The following DENND1A variants were observed in gnomAD, a reference collection of about 807,000 sequenced individuals.
DENND1A encodes DENN domain-containing protein 1A.
In DENND1A, 51 loss-of-function variants were observed where a neutral mutation model predicts 113.7. That is an observed-to-expected ratio of 0.45 (90% CI 0.36 to 0.57). DENND1A has a LOEUF of 0.57. Among genes scored for constraint, DENND1A ranks in the 20% least tolerant of loss-of-function variants. DENND1A has a pLI of 0.00. For synonymous variants in DENND1A, 565 were observed against 570.8 expected (o/e 0.99, Z 0.14); for missense variants, 1,258 against 1,395.9 (o/e 0.90, Z 1.57).
chr9:123,543,705 T>G (rs2056452197), intron 13 of DENND1A, among the ~76,000 whole-genome samples: 1 of 152,168 alleles, frequency 6.6e-6, no homozygotes, highest in South Asian at 2.1e-4. Context: ...CTCCTATTCC[T>G]CCGGTAAGGC....
Position 123,457,579 on chromosome 9 carries a change from G to A in DENND1A, c.1099-144C>T, listed in dbSNP as rs1352737212. 6 of 784,968 alleles carry A rather than the reference G, an allele frequency of 7.6e-6. No homozygotes were observed. In the East Asian group the frequency reaches 1.3e-4, roughly 17 times the overall value. 48.6% of individuals were successfully genotyped at this position (784,968 alleles called of 1,614,324 possible). A position where few individuals can be genotyped will look rare whatever the true frequency, so the allele number is the denominator to read the frequency against. ...CAAGTTTCTTTCTAAAATACCGGCT[G>A]CATATTTATGATAACTTGGAAAACC... On this transcript the variant is annotated intron_variant, in intron 14 of 23. Coordinates refer to ENST00000394215, the MANE Select transcript of DENND1A (RefSeq NM_001352964.2).
intron 11 of DENND1A, among the ~76,000 whole-genome samples, chr9:123,595,952 G>A (rs2137198958): frequency 6.6e-6 from 1 of 152,252 alleles, no homozygotes; most frequent in Admixed American, 6.5e-5. Context: ...CTCTGACTCT[G>A]CTGGTGTTTT....
chr9:123,906,208 G>A (rs1415971119), intron 1 of DENND1A, among the ~76,000 whole-genome samples: 2 of 146,518 alleles, frequency 1.4e-5, no homozygotes, highest in African/African-American at 5.1e-5. Flanking sequence ...ATTCAAAGCA[G>A]TGTGTAGAGG....
intron 13 of DENND1A, among the ~76,000 whole-genome samples, chr9:123,461,313 T>C (rs1301170673): frequency 1.3e-5 from 2 of 152,288 alleles, no homozygotes; most frequent in Admixed American, 6.5e-5. Flanking sequence ...GCTGAACTCA[T>C]CTCTGTACGC....
intron 7 of DENND1A, among the ~76,000 whole-genome samples, chr9:123,667,532 G>A (rs1030825960): frequency 1.3e-5 from 2 of 152,186 alleles, no homozygotes; most frequent in East Asian, 3.9e-4. Context: ...CAGGAGAATC[G>A]TTTGAACCCG....
intron 10 of DENND1A, among the ~76,000 whole-genome samples, chr9:123,623,655 T>C (rs1037562689): frequency 6.6e-6 from 1 of 152,250 alleles, no homozygotes; most frequent in Non-Finnish European, 1.5e-5. Context: ...TAATTAAAGT[T>C]AACTCAGATG....
At chr9:123,661,185 G>A (rs1488598342) in intron 8 of DENND1A, among the ~76,000 whole-genome samples, 1 of 152,104 alleles carries the variant, frequency 6.6e-6, no homozygotes, top group Non-Finnish European at 1.5e-5. Flanking sequence ...TAGGAGACGG[G>A]GTGCAAATAA....
intron 6 of DENND1A, among the ~76,000 whole-genome samples, chr9:123,675,554 T>A (rs2064026788): frequency 6.6e-6 from 1 of 152,192 alleles, no homozygotes. Flanking sequence ...AAATTTTTCC[T>A]TAACGTTTAA....
chr9:123,751,020 A>G (rs539782952), intron 5 of DENND1A, among the ~76,000 whole-genome samples: 13 of 152,140 alleles, frequency 8.5e-5, no homozygotes, highest in Non-Finnish European at 1.8e-4. Context: ...ATTTTAAACT[A>G]AAGCAGCTAA....
intron 19 of DENND1A, among the ~76,000 whole-genome samples, chr9:123,423,656 T>C (rs1291511450): frequency 1.3e-5 from 2 of 152,220 alleles, no homozygotes; most frequent in Non-Finnish European, 2.9e-5. Context: ...GCTTTGGTTA[T>C]GGCTGCACAC....
At chr9:123,702,621 A>G (rs1053317826) in intron 5 of DENND1A, among the ~76,000 whole-genome samples, 4 of 152,230 alleles carry the variant, frequency 2.6e-5, no homozygotes, top group African/African-American at 9.6e-5. Flanking sequence ...ACTTCTGAGA[A>G]TAAACATTAT....
At chr9:123,400,242 T>G (rs1253030058) in intron 21 of DENND1A, 1 of 152,260 alleles carries the variant, frequency 6.6e-6, no homozygotes, top group Non-Finnish European at 1.5e-5. Flanking sequence ...CTATCATTGA[T>G]TCAGAAAGAA....
intron 2 of DENND1A, among the ~76,000 whole-genome samples, chr9:123,842,856 A>C (rs2132998018): frequency 6.6e-6 from 1 of 152,310 alleles, no homozygotes; most frequent in East Asian, 1.9e-4. Flanking sequence ...AATACTAGCA[A>C]ACCAAATCCA....
chr9:123,884,171 A>C lies in DENND1A; in HGVS notation c.18-5150T>G, dbSNP rs1393583117. The stretch of plus-strand genomic sequence containing the variant: ...ATTTTCATTAAGCCTGTAAACAATT[A>C]AGACTATAACAATTTCCAGAGGCTC... On this transcript the variant is annotated intron_variant, in intron 1 of 23. Transcript: ENST00000394215. 2.6e-5 allele frequency among the ~76,000 whole-genome samples: 4 copies of C among 152,170 alleles called. No homozygotes were observed. The East Asian group carries it at 7.7e-4, about 29-fold the overall frequency.
intron 1 of DENND1A, among the ~76,000 whole-genome samples, chr9:123,920,376 C>T (rs778077989): frequency 5.9e-5 from 9 of 152,124 alleles, no homozygotes; most frequent in Non-Finnish European, 1.2e-4. Flanking sequence ...TTGCAGTGAA[C>T]CAAGATCGTG....
intron 2 of DENND1A, among the ~76,000 whole-genome samples, chr9:123,838,915 A>C (rs1293966692): frequency 6.6e-6 from 1 of 152,194 alleles, no homozygotes; most frequent in East Asian, 1.9e-4. Flanking sequence ...TAGCACATTT[A>C]AGTAGAAATA....
chr9:123,523,915 T>C (rs1421211170), intron 13 of DENND1A, among the ~76,000 whole-genome samples: 1 of 152,168 alleles, frequency 6.6e-6, no homozygotes, highest in African/African-American at 2.4e-5. Context: ...GCAGAGGACC[T>C]GAAACTCCCT....
intron 13 of DENND1A, among the ~76,000 whole-genome samples, chr9:123,501,261 T>C (rs893133044): frequency 6.6e-6 from 1 of 152,258 alleles, no homozygotes; most frequent in East Asian, 1.9e-4. Flanking sequence ...TGGTGTAGCA[T>C]GTGTCAGAAT....
At chr9:123,641,630 A>C (rs1008107507) in intron 9 of DENND1A, among the ~76,000 whole-genome samples, 4 of 152,178 alleles carry the variant, frequency 2.6e-5, no homozygotes, top group African/African-American at 9.7e-5. Context: ...AGAGCTTTTT[A>C]AGTGCCAGTC....
Sources: gnomAD v4.1 joint callset for allele counts (sites outside exome capture counted in the v4.1 genomes callset) on GRCh38, gnomAD v4.1.1 for gene constraint, MANE v1.5 for transcripts, NCBI Gene and HGNC (gene_info 2026-07-23, HGNC 2026-07-21) for gene names.